EDN1: variants seen among roughly 807,000 people sequenced by gnomAD.
The protein encoded by EDN1 is endothelin 1, also known as endothelin-1.
Under a neutral mutation model 21.7 loss-of-function variants are expected in EDN1, and 11 were observed. The ratio of observed to expected loss-of-function variants is 0.51; its 90% CI spans 0.32 to 0.84. EDN1 has a LOEUF of 0.84. Ranked by LOEUF, EDN1 falls within the 40% of genes least tolerant of loss-of-function variation. EDN1 has a pLI of 0.03. For synonymous variants in EDN1, 85 were observed against 90.6 expected (o/e 0.94, Z 0.35); for missense variants, 244 against 262.3 (o/e 0.93, Z 0.48).
At chr6:12,291,213 C>G (rs945086426) in intron 1 of EDN1, among the ~76,000 whole-genome samples, 10 of 46,884 alleles carry the variant, frequency 2.1e-4, no homozygotes, top group Non-Finnish European at 3.9e-4. Flanking sequence ...GACTAACTAC[C>G]GCCTCCCCCC....
chr6:12,238,758 A>C, the EDN1 span, among the ~76,000 whole-genome samples: 3 of 152,332 alleles, frequency 2.0e-5, no homozygotes, highest in East Asian at 5.8e-4. Context: ...GAGGAAAGTG[A>C]AAGAATAGGA....
At chr6:12,247,641 C>T in the EDN1 span, among the ~76,000 whole-genome samples, 8 of 147,362 alleles carry the variant, frequency 5.4e-5, no homozygotes, top group Non-Finnish European at 1.2e-4. Flanking sequence ...TGGGTTCAAG[C>T]GATTCTCATG....
At chr6:12,259,064 G>A in the EDN1 span, among the ~76,000 whole-genome samples, 1 of 152,076 alleles carries the variant, frequency 6.6e-6, no homozygotes, top group Non-Finnish European at 1.5e-5. Context: ...TTTATTTTAT[G>A]TTGACAATAC....
the EDN1 span, among the ~76,000 whole-genome samples, chr6:12,230,568 G>A: frequency 0.022 from 3,281 of 152,140 alleles, 55 homozygotes; most frequent in Non-Finnish European, 0.034. Flanking sequence ...CCAACAAAAA[G>A]CATAAAAATG....
the EDN1 span, among the ~76,000 whole-genome samples, chr6:12,263,082 T>G: frequency 6.6e-6 from 1 of 152,158 alleles, no homozygotes; most frequent in African/African-American, 2.4e-5. Context: ...TGAAGACAGC[T>G]CTATCATCTT....
At chr6:12,261,270 T>C in the EDN1 span, among the ~76,000 whole-genome samples, 1 of 152,096 alleles carries the variant, frequency 6.6e-6, no homozygotes, top group Non-Finnish European at 1.5e-5. Flanking sequence ...TGAAGTATAA[T>C]AAGAGAACCA....
the EDN1 span, among the ~76,000 whole-genome samples, chr6:12,237,410 A>G: frequency 6.6e-6 from 1 of 152,344 alleles, no homozygotes; most frequent in African/African-American, 2.4e-5. Context: ...AGTGATACCT[A>G]GGCTGGAAGA....
the EDN1 span, among the ~76,000 whole-genome samples, chr6:12,240,563 T>G: frequency 6.6e-6 from 1 of 152,140 alleles, no homozygotes; most frequent in Non-Finnish European, 1.5e-5. Context: ...AAATGAGTAG[T>G]TACACTCAGA....
At chr6:12,287,993 G>A (rs1301970402), upstream of EDN1, among the ~76,000 whole-genome samples, 2 of 152,044 alleles carry the variant, frequency 1.3e-5, no homozygotes, top group Non-Finnish European at 2.9e-5. Context: ...GCTGTTGGAG[G>A]CGCTTGGGCA....
chr6:12,278,869 C>T, the EDN1 span, among the ~76,000 whole-genome samples: 1 of 152,112 alleles, frequency 6.6e-6, no homozygotes, highest in African/African-American at 2.4e-5. Flanking sequence ...TGCACTCCAG[C>T]CTGGGTGACA....
At chr6:12,237,071 C>G in the EDN1 span, among the ~76,000 whole-genome samples, 36,914 of 149,784 alleles carry the variant, frequency 0.25, 5,013 homozygotes, top group Non-Finnish European at 0.32. Flanking sequence ...TGAGAACATG[C>G]GGTGGTGTTT....
At chr6:12,275,898 C>T in the EDN1 span, among the ~76,000 whole-genome samples, 1 of 152,014 alleles carries the variant, frequency 6.6e-6, no homozygotes, top group Non-Finnish European at 1.5e-5. Flanking sequence ...CATGGTGGCT[C>T]ACGCCTGTAA....
chr6:12,240,304 G>A, the EDN1 span, among the ~76,000 whole-genome samples: 3 of 152,210 alleles, frequency 2.0e-5, no homozygotes, highest in Admixed American at 6.5e-5. Context: ...AAACCCACAG[G>A]CGGCAGTGAA....
At chr6:12,242,444 A>T in the EDN1 span, among the ~76,000 whole-genome samples, 2 of 152,142 alleles carry the variant, frequency 1.3e-5, no homozygotes, top group Admixed American at 6.5e-5. Flanking sequence ...CTACTTTGTG[A>T]CTGTGTAGCC....
At chr6:12,236,781 T>G in the EDN1 span, among the ~76,000 whole-genome samples, 7 of 151,756 alleles carry the variant, frequency 4.6e-5, no homozygotes, top group African/African-American at 1.5e-4. Flanking sequence ...TTTTTTTTTT[T>G]GTTAGGAAAC....
chr6:12,244,678 T>C, the EDN1 span, among the ~76,000 whole-genome samples: 2 of 152,212 alleles, frequency 1.3e-5, no homozygotes, highest in African/African-American at 4.8e-5. Context: ...TATTAGAGTA[T>C]ACTGTAAGTG....
the EDN1 span, among the ~76,000 whole-genome samples, chr6:12,277,240 T>TTGA: frequency 8.9e-4 from 135 of 152,276 alleles, no homozygotes; most frequent in African/African-American, 3.0e-3. Context: ...GGAGATAGAA[T>TTGA]TGATAAGATT....
At chr6:12,239,912 C>T in the EDN1 span, among the ~76,000 whole-genome samples, 1 of 151,590 alleles carries the variant, frequency 6.6e-6, no homozygotes, top group African/African-American at 2.4e-5. Flanking sequence ...AAACAAAAAA[C>T]AAAAACAGAA....
At chr6:12,278,035 A>C in the EDN1 span, among the ~76,000 whole-genome samples, 1 of 152,236 alleles carries the variant, frequency 6.6e-6, no homozygotes, top group Admixed American at 6.5e-5. Context: ...CCTTCTTAAA[A>C]TGCTGGTTGT....
Sources: allele counts gnomAD v4.1 joint callset (sites outside exome capture counted in the v4.1 genomes callset), GRCh38; gene constraint gnomAD v4.1.1; transcripts MANE v1.5; gene names NCBI Gene and HGNC (gene_info 2026-07-23, HGNC 2026-07-21).